Variants in PTPRD observed in about 807,000 individuals in gnomAD.
The protein encoded by PTPRD is receptor-type tyrosine-protein phosphatase delta.
In PTPRD, 34 loss-of-function variants were observed where a neutral mutation model predicts 214.5. The ratio of observed to expected loss-of-function variants is 0.16; its 90% CI spans 0.12 to 0.21. The LOEUF (loss-of-function observed/expected upper bound fraction) is 0.21, where lower values mean the gene tolerates loss of function less well. Ranked by LOEUF, PTPRD falls within the 10% of genes least tolerant of loss-of-function variation. The probability of loss-of-function intolerance (pLI) is 1.00; values close to 1 mark genes in which losing one functional copy is unlikely to be tolerated. For synonymous variants in PTPRD, 1,128 were observed against 845.7 expected (o/e 1.33, Z -5.79); for missense variants, 2,545 against 2,398.7 (o/e 1.06, Z -1.27).
At chr9:9,545,885 G>GA (rs2078678616) in intron 8 of PTPRD, among the ~76,000 whole-genome samples, 1 of 151,662 alleles carries the variant, frequency 6.6e-6, no homozygotes, top group African/African-American at 2.4e-5. Flanking sequence ...ACGAATTTTA[G>GA]AAAAAACAAC....
At chr9:8,333,923 A>G (rs1202795519) in intron 43 of PTPRD, among the ~76,000 whole-genome samples, 3 of 152,036 alleles carry the variant, frequency 2.0e-5, no homozygotes, top group Non-Finnish European at 4.4e-5. Flanking sequence ...AACAAAGATC[A>G]AAAGAGACAA....
chr9:9,379,127 T>C (rs975077957), intron 9 of PTPRD, among the ~76,000 whole-genome samples: 3 of 150,848 alleles, frequency 2.0e-5, no homozygotes, highest in African/African-American at 7.3e-5. Context: ...CTGAGTTTTA[T>C]AGTTTTGCAT....
intron 3 of PTPRD, among the ~76,000 whole-genome samples, chr9:10,280,371 C>CACAA (rs1491017234): frequency 1.5e-4 from 19 of 127,778 alleles, no homozygotes; most frequent in African/African-American, 4.4e-4. Context: ...CACACACACA[C>CACAA]ACACACACAC....
At chr9:9,561,750 C>A (rs150212163) in intron 8 of PTPRD, among the ~76,000 whole-genome samples, 4 of 152,306 alleles carry the variant, frequency 2.6e-5, no homozygotes, top group Admixed American at 2.0e-4. Flanking sequence ...GTGATGAGAT[C>A]TTTTCTCTTA....
intron 8 of PTPRD, among the ~76,000 whole-genome samples, chr9:9,555,738 C>CA (rs1299799207): frequency 2.0e-5 from 3 of 151,954 alleles, no homozygotes; most frequent in African/African-American, 7.2e-5. Context: ...GATAAAACTA[C>CA]AAAAAACATT....
chr9:9,698,996 T>C (rs926021867), intron 7 of PTPRD, among the ~76,000 whole-genome samples: 3 of 152,210 alleles, frequency 2.0e-5, no homozygotes, highest in African/African-American at 4.8e-5. Context: ...AATAAAACGA[T>C]TGTCTTTGGC....
At chr9:9,631,406 CA>C (rs1428304811) in intron 7 of PTPRD, among the ~76,000 whole-genome samples, 1 of 151,982 alleles carries the variant, frequency 6.6e-6, no homozygotes, top group Non-Finnish European at 1.5e-5. Context: ...CACATTCAGC[CA>C]CAAGTTATTC....
chr9:8,880,434 T>G (rs552341120), intron 11 of PTPRD, among the ~76,000 whole-genome samples: 1 of 152,288 alleles, frequency 6.6e-6, no homozygotes, highest in African/African-American at 2.4e-5. Flanking sequence ...AAGATGATGA[T>G]GAAGCACAGC....
rs2095453827 is a variant in PTPRD, at chr9:9,627,326, G to C, written c.-286-52545C>G. Among the ~76,000 whole-genome samples, 6 of 152,262 alleles carry C rather than the reference G, an allele frequency of 3.9e-5. No individual in the cohort carries two copies. In the South Asian group the frequency reaches 1.2e-3, roughly 32 times the overall value. ...TGTCTCAAAAAAATTCTATTTTGCAGAAGCAATAACAAAGTCCACTGTAGA... is the reference window on the plus strand; with the variant it reads ...TGTCTCAAAAAAATTCTATTTTGCACAAGCAATAACAAAGTCCACTGTAGA... On this transcript the variant is annotated intron_variant, in intron 7 of 45. Coordinates refer to ENST00000381196, the MANE Select transcript of PTPRD (RefSeq NM_002839.4).
intron 9 of PTPRD, among the ~76,000 whole-genome samples, chr9:9,190,224 G>A (rs1164967445): frequency 6.6e-6 from 1 of 151,956 alleles, no homozygotes; most frequent in East Asian, 1.9e-4. Flanking sequence ...TTGCAGGAGT[G>A]AGCTCTTGAT....
At chr9:9,533,716 C>G (rs2075966936) in intron 8 of PTPRD, among the ~76,000 whole-genome samples, 1 of 151,872 alleles carries the variant, frequency 6.6e-6, no homozygotes, top group African/African-American at 2.4e-5. Flanking sequence ...TAATGATGAT[C>G]TCTCAGTCAC....
chr9:10,053,547 A>G (rs1298263081), intron 3 of PTPRD, among the ~76,000 whole-genome samples: 2 of 152,170 alleles, frequency 1.3e-5, no homozygotes, highest in African/African-American at 2.4e-5. Flanking sequence ...TATACCTACT[A>G]TAGATAATGA....
intron 7 of PTPRD, among the ~76,000 whole-genome samples, chr9:9,655,006 G>C (rs369588737): frequency 1.8e-5 from 2 of 112,908 alleles, no homozygotes; most frequent in Admixed American, 1.7e-4. Flanking sequence ...TATATATATA[G>C]ATATAGATAT....
chr9:9,406,934 T>C (rs1028823999), intron 8 of PTPRD, among the ~76,000 whole-genome samples: 10 of 151,564 alleles, frequency 6.6e-5, no homozygotes, highest in Non-Finnish European at 1.2e-4. Context: ...ACTGGAGCTC[T>C]GGAGCTCAAC....
At chr9:9,446,197 G>A (rs541104510) in intron 8 of PTPRD, among the ~76,000 whole-genome samples, 3 of 152,106 alleles carry the variant, frequency 2.0e-5, no homozygotes, top group Non-Finnish European at 4.4e-5. Context: ...GTTCAAGAAA[G>A]ACTACACTTA....
At chr9:10,223,131 T>C (rs1405288800) in intron 3 of PTPRD, among the ~76,000 whole-genome samples, 1 of 152,034 alleles carries the variant, frequency 6.6e-6, no homozygotes, top group Non-Finnish European at 1.5e-5. Flanking sequence ...GTTTTGTTCC[T>C]TCTTTTCCTC....
chr9:8,892,641 A>C (rs1179601521), intron 11 of PTPRD, among the ~76,000 whole-genome samples: 1 of 148,562 alleles, frequency 6.7e-6, no homozygotes, highest in African/African-American at 2.5e-5. Context: ...GTGTGTATAT[A>C]TATGTGTATA....
In PTPRD at chr9:8,316,110, T is replaced by C. The variant is rs1038920716; in HGVS notation, c.*1764A>G. ...TAAAACAAGTAGCTTTTTCTGATGT[T>C]GATGATTGATTATAAAAGGAAGAAG... On this transcript the variant is annotated 3_prime_UTR_variant, in exon 46 of 46. Coordinates refer to ENST00000381196, the MANE Select transcript of PTPRD (RefSeq NM_002839.4). The C allele has an allele frequency of 1.3e-5, 3 of 229,696 alleles. No individual in the cohort carries two copies. Among genetic ancestry groups the C allele is most frequent in the African/African-American group, 6.7e-5 (3 of 45,098 alleles). The allele number at this position is 229,696 out of a possible 1,614,324, so 14.2% of individuals were successfully genotyped here.
intron 11 of PTPRD, among the ~76,000 whole-genome samples, chr9:8,818,309 G>C (rs1375623568): frequency 1.3e-5 from 2 of 152,126 alleles, no homozygotes; most frequent in Non-Finnish European, 2.9e-5. Flanking sequence ...CACCTTATTT[G>C]ATTCTCTCTA....
Sources: gnomAD v4.1 joint callset for allele counts (sites outside exome capture counted in the v4.1 genomes callset) on GRCh38, gnomAD v4.1.1 for gene constraint, MANE v1.5 for transcripts, NCBI Gene and HGNC (gene_info 2026-07-23, HGNC 2026-07-21) for gene names.